The following KANK1 variants were observed in gnomAD, a reference collection of about 807,000 sequenced individuals.
The protein encoded by KANK1 is KN motif and ankyrin repeat domain-containing protein 1.
A neutral mutation model predicts 106.2 loss-of-function variants in KANK1; 109 were observed. The observed-to-expected ratio is 1.03, with a 90% CI of 0.88 to 1.20. KANK1 has a LOEUF of 1.20. Among genes scored for constraint, KANK1 ranks in the 50% most tolerant of loss-of-function variants. The pLI is 0.00. For synonymous variants in KANK1, 873 were observed against 652.2 expected (o/e 1.34, Z -5.16); for missense variants, 2,399 against 1,710.7 (o/e 1.40, Z -7.10).
In KANK1 at chr9:639,183, G is replaced by A. The variant is rs142483893; in HGVS notation, c.-83-37707G>A. Among the ~76,000 whole-genome samples, 15 of 152,174 alleles carry A rather than the reference G, an allele frequency of 9.9e-5. No homozygotes were observed. In the East Asian group the frequency reaches 2.7e-3, roughly 27 times the overall value. On this transcript the variant is annotated intron_variant, in intron 1 of 11. Coordinates refer to ENST00000382297, the MANE Select transcript of KANK1 (RefSeq NM_015158.5). ...AAAGCTGTCATTTTACTTCAGCTGG[G>A]ATTACATTCCACCCTATTTCACTTA...
At position 740,898 on chromosome 9, in the gene KANK1, C is replaced by G. The variant is rs370490602; in HGVS notation, c.3660C>G (p.Leu1220=). The G allele has an allele frequency of 5.6e-6, 9 of 1,614,176 alleles. No individual in the cohort carries two copies. In the East Asian group the frequency reaches 1.3e-4, roughly 24 times the overall value. Residue 1220 remains leucine (L), a synonymous_variant, in exon 9 of 12, where the codon CTC becomes CTG. Transcript: ENST00000382297. ...AEKDMRIVEE[L]FGCGDVNAKA... ...AGGACATGCGGATTGTGGAAGAACTCTTCGGCTGTGGGGATGTGAATGCCA... is the reference window on the plus strand; with the variant it reads ...AGGACATGCGGATTGTGGAAGAACTGTTCGGCTGTGGGGATGTGAATGCCA...
chr9:744,737 G>A lies in KANK1; in HGVS notation c.3996+148G>A, dbSNP rs73376636. 13,202 of 1,532,252 alleles carry A rather than the reference G, an allele frequency of 8.6e-3. 413 individuals carry two copies. The African/African-American group carries it at 0.097, about 11-fold the overall frequency. 94.9% of individuals were successfully genotyped at this position (1,532,252 alleles called of 1,614,324 possible). A position where few individuals can be genotyped will look rare whatever the true frequency, so the allele number is the denominator to read the frequency against. ...TGGAGCTTAAGAGTTCATCCTTTCCGCCTCCACCCCGCAAAAAGCAGGAGA... is the reference window on the plus strand; with the variant it reads ...TGGAGCTTAAGAGTTCATCCTTTCCACCTCCACCCCGCAAAAAGCAGGAGA... On this transcript the variant is annotated intron_variant, in intron 11 of 11. Coordinates refer to ENST00000382297, the MANE Select transcript of KANK1 (RefSeq NM_015158.5).
At chr9:581,258 G>A (rs954077693) in intron 1 of KANK1, among the ~76,000 whole-genome samples, 1 of 152,172 alleles carries the variant, frequency 6.6e-6, no homozygotes, top group Non-Finnish European at 1.5e-5. Flanking sequence ...CCTCAAGCAC[G>A]GCCAGAGGGG....
At chr9:568,601 C>G (rs915151876) in intron 1 of KANK1, among the ~76,000 whole-genome samples, 1 of 152,112 alleles carries the variant, frequency 6.6e-6, no homozygotes, top group African/African-American at 2.4e-5. Context: ...GCTATCATCC[C>G]GCCTCAGCCT....
At position 712,299 on chromosome 9, in the gene KANK1, T is replaced by C. The variant is rs199881654; in HGVS notation, c.1533T>C (p.Val511=). ...VDKATMAQPL[V]FSKVVEAVVQ... Reference sequence around the variant, plus strand: ...AAGCCACGATGGCCCAGCCGCTTGTTTTCAGTAAGGTGGTGGAGGCAGTGG... The same window carrying C: ...AAGCCACGATGGCCCAGCCGCTTGTCTTCAGTAAGGTGGTGGAGGCAGTGG... The change falls in exon 3 of 12, where the codon GTT becomes GTC. Residue 511 remains valine, a synonymous_variant. Transcript: ENST00000382297. 56 of 1,614,100 alleles carry C rather than the reference T, an allele frequency of 3.5e-5. No homozygotes were observed. In the Admixed American group the frequency reaches 3.8e-4, roughly 11 times the overall value.
intron 2 of KANK1, among the ~76,000 whole-genome samples, chr9:678,567 A>T (rs1816864157): frequency 6.6e-6 from 1 of 152,056 alleles, no homozygotes; most frequent in African/African-American, 2.4e-5. Context: ...CATCTCTACA[A>T]AAATACAAAA....
At chr9:582,639 G>A (rs1459112405) in intron 1 of KANK1, among the ~76,000 whole-genome samples, 1 of 152,096 alleles carries the variant, frequency 6.6e-6, no homozygotes, top group African/African-American at 2.4e-5. Flanking sequence ...AAACATTTGG[G>A]GTGGGAGAAC....
chr9:499,003 C>G (rs1369371580), intron 3 of KANK1, among the ~76,000 whole-genome samples: 13 of 151,978 alleles, frequency 8.6e-5, no homozygotes, highest in Admixed American at 7.9e-4. Context: ...CAGTGGAACC[C>G]TGTCTCTACT....
intron 2 of KANK1, among the ~76,000 whole-genome samples, chr9:692,476 T>A (rs780269048): frequency 6.6e-6 from 1 of 150,952 alleles, no homozygotes; most frequent in Non-Finnish European, 1.5e-5. Context: ...AGACCTCCAT[T>A]AGTAAGAGAT....
intron 10 of KANK1, 119 bp from the exon 11 acceptor site, chr9:744,372 C>A: frequency 8.5e-7 from 1 of 1,177,804 alleles, no homozygotes; most frequent in East Asian, 2.5e-5. Flanking sequence ...GAAGACCGAA[C>A]GAGTAGGGAT....
chr9:635,603 G>C (rs1836910607), intron 1 of KANK1, among the ~76,000 whole-genome samples: 1 of 150,840 alleles, frequency 6.6e-6, no homozygotes. Context: ...AGAATAGTAA[G>C]AATTCTATAT....
Position 738,288 on chromosome 9 carries a change from T to C in KANK1, c.3337T>C (p.Phe1113Leu), listed in dbSNP as rs754840257. 1.9e-6 allele frequency: 3 copies of C among 1,610,544 alleles called. No homozygotes were observed. In the East Asian group the frequency reaches 6.7e-5, roughly 36 times the overall value. The change falls in exon 8 of 12, where the codon TTC (phenylalanine) becomes CTC (leucine). Residue 1113 changes from phenylalanine (F) to leucine (L), a missense_variant. By Grantham distance (22) the Phe-to-Leu change is conservative. Coordinates refer to ENST00000382297, the MANE Select transcript of KANK1 (RefSeq NM_015158.5). ...CGACCACTTGGTGTTTTGGCAGAGG[T>C]TCTGTCTGAACACCCTCCAGCACGA... is the stretch of plus-strand genomic sequence containing the variant. Reference protein sequence around the residue: ...PKALTSKDMRFCLNTLQHEWF... With the variant: ...PKALTSKDMRLCLNTLQHEWF...
chr9:696,535 A>G (rs1215562109), intron 2 of KANK1, among the ~76,000 whole-genome samples: 4 of 151,862 alleles, frequency 2.6e-5, no homozygotes, highest in Admixed American at 6.6e-5. Context: ...CAGATGGGAG[A>G]GTGTGGGGAA....
intron 1 of KANK1, among the ~76,000 whole-genome samples, chr9:618,558 T>C (rs1832419007): frequency 6.6e-6 from 1 of 152,138 alleles, no homozygotes; most frequent in African/African-American, 2.4e-5. Flanking sequence ...TTAGTCAAAA[T>C]ACTTATCGGA....
chr9:531,392 C>G (rs1232711767), intron 1 of KANK1, among the ~76,000 whole-genome samples: 1 of 152,148 alleles, frequency 6.6e-6, no homozygotes. Flanking sequence ...AATTGTACCC[C>G]TACACTCCAT....
chr9:700,333 G>A lies in KANK1; in HGVS notation c.38-10471G>A, dbSNP rs79062977. Among the ~76,000 whole-genome samples, 1,236 of 152,232 alleles carry A rather than the reference G, an allele frequency of 8.1e-3. 20 individuals carry two copies. Among genetic ancestry groups the A allele is most frequent in the African/African-American group, 0.027 (1,129 of 41,530 alleles). On this transcript the variant is annotated intron_variant, in intron 2 of 11. Transcript: ENST00000382297. ...CTCACACAAATTTGATACAGGTAGC[G>A]AAGCTGCTGGGTCTCAAAGAGCTTA...
chr9:686,811 G>T, intron 2 of KANK1: 1 of 985,334 alleles, frequency 1.0e-6, no homozygotes, highest in African/African-American at 1.7e-5. Context: ...TGTTCTCTGA[G>T]GAACATGCTA....
Position 732,439 on chromosome 9 carries a change from G to A in KANK1, c.3067G>A (p.Asp1023Asn), listed in dbSNP as rs1165245046. The change falls in exon 6 of 12, where the codon GAC (aspartate) becomes AAC (asparagine). Residue 1023 changes from aspartate (D) to asparagine (N), a missense_variant. Asp to Asn is a conservative substitution (Grantham distance 23, BLOSUM62 1). Transcript: ENST00000382297. ...TGAAAGCTCTTCTTCCGAGTCAGAT[G>A]ACGAGTGTGATGTCATTGAGTATCC... Reference protein sequence around the residue: ...SDESSSSESDDECDVIEYPLE... With the variant: ...SDESSSSESDNECDVIEYPLE... 6.2e-7 allele frequency: 1 copy of A among 1,614,174 alleles called. No individual in the cohort carries two copies. Among genetic ancestry groups the A allele is most frequent in the Admixed American group, 1.7e-5 (1 of 60,022 alleles).
At position 617,238 on chromosome 9, in the gene KANK1, C is replaced by T. The variant is rs144588529; in HGVS notation, c.-83-59652C>T. Among the ~76,000 whole-genome samples the T allele has an allele frequency of 4.9e-3, 750 of 152,080 alleles. 15 individuals are homozygous for T. The highest frequency in any genetic ancestry group is 0.017 in the African/African-American group (693 of 41,490). Reference sequence around the variant, plus strand: ...AGTTCTTTTGGCAGTGGTTTAGTTTCTTTAACAATCTGTATTCTACAACTT... The same window carrying T: ...AGTTCTTTTGGCAGTGGTTTAGTTTTTTTAACAATCTGTATTCTACAACTT... On this transcript the variant is annotated intron_variant, in intron 1 of 11. Coordinates refer to ENST00000382297, the MANE Select transcript of KANK1 (RefSeq NM_015158.5).
Sources: gnomAD v4.1 joint callset for allele counts (sites outside exome capture counted in the v4.1 genomes callset) on GRCh38, gnomAD v4.1.1 for gene constraint, MANE v1.5 for transcripts, NCBI Gene and HGNC (gene_info 2026-07-23, HGNC 2026-07-21) for gene names.